LOC128125818: variants seen among roughly 807,000 people sequenced by gnomAD.
the LOC128125818 span, among the ~76,000 whole-genome samples, chr4:6,066,055 T>C: frequency 2.6e-5 from 4 of 152,236 alleles, no homozygotes; most frequent in South Asian, 8.3e-4. Context: ...AATCAATGAA[T>C]GCCTTTCAGA....
the LOC128125818 span, among the ~76,000 whole-genome samples, chr4:6,069,220 G>C: frequency 6.6e-6 from 1 of 152,020 alleles, no homozygotes; most frequent in Non-Finnish European, 1.5e-5. The surrounding 1 kb of genome is among the most constrained non-coding windows in gnomAD (Gnocchi z 4.5). Context: ...CACACAGTGG[G>C]CTTTAAAAAA....
the LOC128125818 span, among the ~76,000 whole-genome samples, chr4:6,066,487 G>A: frequency 2.6e-5 from 4 of 151,824 alleles, no homozygotes; most frequent in Non-Finnish European, 4.4e-5. Context: ...ACTCTCCCCC[G>A]AACTCCAGAC....
the LOC128125818 span, among the ~76,000 whole-genome samples, chr4:6,065,793 C>T: frequency 6.6e-6 from 1 of 152,164 alleles, no homozygotes; most frequent in Non-Finnish European, 1.5e-5. This position sits in a 1 kb window ranked among gnomAD's most constrained non-coding sequence, Gnocchi z 5.1. Context: ...GGGCTTCATT[C>T]ATCTGTCTAT....
At chr4:6,066,501 T>A in the LOC128125818 span, among the ~76,000 whole-genome samples, 4 of 152,236 alleles carry the variant, frequency 2.6e-5, no homozygotes, top group African/African-American at 9.6e-5. Context: ...TCCAGACTCA[T>A]ACGTCAGCTG....
chr4:6,068,838 G>A, the LOC128125818 span, among the ~76,000 whole-genome samples: 1 of 152,090 alleles, frequency 6.6e-6, no homozygotes, highest in Non-Finnish European at 1.5e-5. Flanking sequence ...CCAAAGTGAT[G>A]GGATCACAGG....
chr4:6,067,936 C>A, the LOC128125818 span, among the ~76,000 whole-genome samples: 5 of 152,180 alleles, frequency 3.3e-5, no homozygotes, highest in South Asian at 2.1e-4. The surrounding 1 kb of genome is among the most constrained non-coding windows in gnomAD (Gnocchi z 4.6). Flanking sequence ...AACTGCAAGG[C>A]CTTTGGGGAC....
At chr4:6,069,227 A>G in the LOC128125818 span, among the ~76,000 whole-genome samples, 2 of 152,198 alleles carry the variant, frequency 1.3e-5, no homozygotes, top group Non-Finnish European at 2.9e-5. This position sits in a 1 kb window ranked among gnomAD's most constrained non-coding sequence, Gnocchi z 4.5. Flanking sequence ...TGGGCTTTAA[A>G]AAAAATGGCA....
chr4:6,065,996 G>GT, the LOC128125818 span, among the ~76,000 whole-genome samples: 12 of 151,214 alleles, frequency 7.9e-5, no homozygotes, highest in Admixed American at 1.3e-4. The surrounding 1 kb of genome is among the most constrained non-coding windows in gnomAD (Gnocchi z 5.1). Flanking sequence ...GCTTTTTTGG[G>GT]TTTTTTTTTC....
chr4:6,066,995 C>G, the LOC128125818 span, among the ~76,000 whole-genome samples: 3 of 152,162 alleles, frequency 2.0e-5, no homozygotes, highest in African/African-American at 7.2e-5. Context: ...TCCCTTAGGT[C>G]TCTGCACAAA....
chr4:6,070,062 T>C, the LOC128125818 span: 2 of 398,606 alleles, frequency 5.0e-6, no homozygotes, highest in East Asian at 3.6e-5. Flanking sequence ...CCTACCTTCA[T>C]GCTTATAGGT....
At chr4:6,066,026 G>C in the LOC128125818 span, among the ~76,000 whole-genome samples, 1 of 152,066 alleles carries the variant, frequency 6.6e-6, no homozygotes, top group Non-Finnish European at 1.5e-5. Flanking sequence ...CCCCGACAAG[G>C]ATTTTTATTT....
At chr4:6,065,405 T>C in the LOC128125818 span, among the ~76,000 whole-genome samples, 2 of 152,214 alleles carry the variant, frequency 1.3e-5, no homozygotes, top group Non-Finnish European at 2.9e-5. This position sits in a 1 kb window ranked among gnomAD's most constrained non-coding sequence, Gnocchi z 5.1. Context: ...TCACGCTCCA[T>C]GAGCAGCGCA....
chr4:6,066,218 A>G, the LOC128125818 span, among the ~76,000 whole-genome samples: 2 of 151,824 alleles, frequency 1.3e-5, no homozygotes, highest in African/African-American at 4.8e-5. Flanking sequence ...TGAGTGTTTT[A>G]CCCAGATATC....
chr4:6,068,187 C>T, the LOC128125818 span, among the ~76,000 whole-genome samples: 1 of 152,208 alleles, frequency 6.6e-6, no homozygotes, highest in African/African-American at 2.4e-5. Context: ...GAAAACCCTA[C>T]AGGACTGCTA....
chr4:6,065,130 A>G, the LOC128125818 span: 1 of 1,224,990 alleles, frequency 8.2e-7, no homozygotes. This position sits in a 1 kb window ranked among gnomAD's most constrained non-coding sequence, Gnocchi z 5.1. Flanking sequence ...CTGGGGCATC[A>G]CAAGATGCGG....
At chr4:6,069,902 G>GC in the LOC128125818 span, among the ~76,000 whole-genome samples, 1 of 151,868 alleles carries the variant, frequency 6.6e-6, no homozygotes, top group Non-Finnish European at 1.5e-5. This position sits in a 1 kb window ranked among gnomAD's most constrained non-coding sequence, Gnocchi z 4.5. Flanking sequence ...AAAACAAATA[G>GC]CCCCCCAACC....
At chr4:6,067,773 C>G in the LOC128125818 span, among the ~76,000 whole-genome samples, 392 of 118,656 alleles carry the variant, frequency 3.3e-3, no homozygotes, top group Middle Eastern at 5.3e-3. The surrounding 1 kb of genome is among the most constrained non-coding windows in gnomAD (Gnocchi z 4.6). Context: ...CTGAGCTCCA[C>G]GTTCACTCAA....
the LOC128125818 span, among the ~76,000 whole-genome samples, chr4:6,066,783 C>T: frequency 1.3e-5 from 2 of 152,126 alleles, no homozygotes; most frequent in East Asian, 3.9e-4. Context: ...ATCTCTCTCT[C>T]TGGAATTATT....
At chr4:6,065,003 A>T in the LOC128125818 span, 1 of 1,614,178 alleles carries the variant, frequency 6.2e-7, no homozygotes, top group East Asian at 2.2e-5. This position sits in a 1 kb window ranked among gnomAD's most constrained non-coding sequence, Gnocchi z 5.1. Context: ...TCTCCACAAC[A>T]TGCTTCTGTA....
Sources: gnomAD v4.1 joint callset for allele counts (sites outside exome capture counted in the v4.1 genomes callset) on GRCh38, gnomAD v4.1.1 for gene constraint, Gnocchi (gnomAD v3.1) non-coding constraint, MANE v1.5 for transcripts.